Variants in NRG3 observed in about 807,000 individuals in gnomAD.
The protein encoded by NRG3 is neuregulin 3.
Under a neutral mutation model 66.9 loss-of-function variants are expected in NRG3, and 31 were observed. That is an observed-to-expected ratio of 0.46 (90% CI 0.35 to 0.63). The LOEUF (loss-of-function observed/expected upper bound fraction) is 0.63. NRG3 is among the 20% of genes least tolerant of loss of function. The pLI is 0.00. For missense variants in NRG3, 910 were observed against 878.9 expected (o/e 1.04, Z -0.45); for synonymous variants, 393 against 359.4 (o/e 1.09, Z -1.06).
intron 3 of NRG3, among the ~76,000 whole-genome samples, chr10:82,801,951 C>G (rs2061058632): frequency 1.3e-5 from 2 of 152,152 alleles, no homozygotes. Context: ...TGTATGTGAG[C>G]TGCTTTGACC....
chr10:82,622,241 T>C (rs1433495416), intron 2 of NRG3, among the ~76,000 whole-genome samples: 3 of 151,962 alleles, frequency 2.0e-5, no homozygotes, highest in Non-Finnish European at 4.4e-5. Context: ...TGGTGCTTCC[T>C]TTCCTGATTT....
At chr10:82,683,526 T>C (rs1394207151) in intron 2 of NRG3, among the ~76,000 whole-genome samples, 3 of 152,228 alleles carry the variant, frequency 2.0e-5, no homozygotes, top group Non-Finnish European at 4.4e-5. Context: ...TGTTTATCAT[T>C]ATGTTTCTAC....
chr10:82,157,308 G>A (rs568581677), intron 1 of NRG3, among the ~76,000 whole-genome samples: 3 of 151,780 alleles, frequency 2.0e-5, no homozygotes, highest in African/African-American at 7.2e-5. Context: ...TAACCAAATG[G>A]TCATTGAAAA....
chr10:81,907,473 T>G (rs889392491), intron 1 of NRG3, among the ~76,000 whole-genome samples: 1 of 152,204 alleles, frequency 6.6e-6, no homozygotes, highest in Non-Finnish European at 1.5e-5. Flanking sequence ...CCTTATTGAG[T>G]GATTACATTT....
rs373922613 is a variant in NRG3 at position 82,641,021 on chromosome 10, T to G, written c.954-97556T>G. The stretch of plus-strand genomic sequence containing the variant: ...TTTTTCAGTCTGTCGTTTTTTTTTT[T>G]TTTTTTTTTTTTTTTTTTTTTTTTT... On this transcript the variant is annotated intron_variant, in intron 2 of 8. Transcript: ENST00000372141. 7.0e-4 allele frequency among the ~76,000 whole-genome samples: 5 copies of G among 7,194 alleles called. 1 individual carries two copies. 4.7% of individuals were successfully genotyped at this position (7,194 alleles called of 152,430 possible). A position where few individuals can be genotyped will look rare whatever the true frequency, so the allele number is the denominator to read the frequency against.
At chr10:82,693,641 G>A (rs1267082190) in intron 2 of NRG3, among the ~76,000 whole-genome samples, 1 of 152,142 alleles carries the variant, frequency 6.6e-6, no homozygotes, top group Non-Finnish European at 1.5e-5. Flanking sequence ...ATTCCTTCTG[G>A]TGGGTTCTTG....
At chr10:82,391,705 C>T (rs904454252) in intron 2 of NRG3, among the ~76,000 whole-genome samples, 13 of 152,198 alleles carry the variant, frequency 8.5e-5, no homozygotes, top group African/African-American at 3.1e-4. Flanking sequence ...AATGAGTCCA[C>T]TCACCAATCC....
chr10:82,150,692 A>T (rs1276970335), intron 1 of NRG3, among the ~76,000 whole-genome samples: 5 of 152,138 alleles, frequency 3.3e-5, no homozygotes, highest in Non-Finnish European at 7.4e-5. Flanking sequence ...GCGCCTGGAC[A>T]TTCCAGTGAC....
chr10:82,382,060 A>G (rs2085653109), intron 2 of NRG3, among the ~76,000 whole-genome samples: 1 of 152,064 alleles, frequency 6.6e-6, no homozygotes, highest in Non-Finnish European at 1.5e-5. Context: ...ACTTTATCCA[A>G]ATATAATTTG....
At chr10:82,048,887 A>G (rs1360729731) in intron 1 of NRG3, among the ~76,000 whole-genome samples, 1 of 152,022 alleles carries the variant, frequency 6.6e-6, no homozygotes, top group African/African-American at 2.4e-5. Context: ...AGAAGAATCA[A>G]ATAGATGCAA....
chr10:82,120,086 G>A (rs2067987072), intron 1 of NRG3, among the ~76,000 whole-genome samples: 1 of 152,054 alleles, frequency 6.6e-6, no homozygotes, highest in African/African-American at 2.4e-5. Flanking sequence ...GATTATGATG[G>A]TCTGTTGGAT....
intron 2 of NRG3, among the ~76,000 whole-genome samples, chr10:82,466,968 G>A (rs145158168): frequency 5.3e-5 from 8 of 151,922 alleles, no homozygotes; most frequent in East Asian, 1.9e-4. Context: ...AGGCGAAGGC[G>A]GGTGGACAGG....
intron 3 of NRG3, among the ~76,000 whole-genome samples, chr10:82,748,075 A>G (rs1227046376): frequency 6.6e-6 from 1 of 151,284 alleles, no homozygotes; most frequent in African/African-American, 2.4e-5. Flanking sequence ...ATAATTACAC[A>G]TATTTGGTGT....
intron 2 of NRG3, among the ~76,000 whole-genome samples, chr10:82,645,317 A>G (rs1053475548): frequency 6.6e-6 from 1 of 152,186 alleles, no homozygotes; most frequent in Admixed American, 6.6e-5. Flanking sequence ...TGATTTGTGC[A>G]TGAGATCAAA....
intron 1 of NRG3, among the ~76,000 whole-genome samples, chr10:81,948,119 T>C (rs1775535187): frequency 6.6e-6 from 1 of 152,198 alleles, no homozygotes. Flanking sequence ...CATTACATAT[T>C]CTTGTACTTT....
intron 4 of NRG3, among the ~76,000 whole-genome samples, chr10:82,891,108 C>A (rs923254157): frequency 4.0e-5 from 6 of 151,638 alleles, no homozygotes; most frequent in African/African-American, 1.2e-4. Context: ...TTATTCTTGG[C>A]AATTTGTATT....
chr10:82,305,530 A>C (rs574293087), intron 1 of NRG3, among the ~76,000 whole-genome samples: 1 of 152,262 alleles, frequency 6.6e-6, no homozygotes, highest in African/African-American at 2.4e-5. Context: ...CCTTTTCAAT[A>C]AAATATTGAA....
chr10:82,924,419 C>T (rs939418914), intron 4 of NRG3, among the ~76,000 whole-genome samples: 9 of 152,054 alleles, frequency 5.9e-5, no homozygotes, highest in East Asian at 1.9e-4. Context: ...TCAGTTTGTG[C>T]GGTGGTAATG....
Position 81,926,107 on chromosome 10 carries a change from C to CTTTA in NRG3, c.823+49963_823+49966dup, listed in dbSNP as rs534764745. On this transcript the variant is annotated intron_variant, in intron 1 of 8. Coordinates refer to ENST00000372141, the MANE Select transcript of NRG3 (RefSeq NM_001010848.4). ...TGTAGAAGCAAGGGCCATATTGCTA[C>CTTTA]TTTATTTATTTATTTATTTATTATT... Among the ~76,000 whole-genome samples the CTTTA allele has an allele frequency of 8.7e-3, 1,317 of 151,922 alleles. 20 individuals carry two copies. The highest frequency in any genetic ancestry group is 0.03 in the African/African-American group (1,239 of 41,404).
Sources: allele counts gnomAD v4.1 joint callset (sites outside exome capture counted in the v4.1 genomes callset), GRCh38; gene constraint gnomAD v4.1.1; transcripts MANE v1.5; gene names NCBI Gene and HGNC (gene_info 2026-07-23, HGNC 2026-07-21).